Variants in RCOR1 observed in about 807,000 individuals in gnomAD.
The protein encoded by RCOR1 is REST corepressor.
In RCOR1, 12 loss-of-function variants were observed where a neutral mutation model predicts 64.0. The observed-to-expected ratio is 0.19, with a 90% CI of 0.12 to 0.30. The LOEUF is 0.30. Ranked by LOEUF, RCOR1 falls within the 10% of genes least tolerant of loss-of-function variation. The pLI, the probability that RCOR1 is intolerant of heterozygous loss-of-function variation, is 1.00. For missense variants in RCOR1, 502 were observed against 621.2 expected, an observed-to-expected ratio of 0.81 and a Z score of 2.04; for synonymous variants, 279 against 227.2, an observed-to-expected ratio of 1.23 and a Z score of -2.05.
chr14:102,706,136 A>AAAAAAAAAAAAC (rs1567442106), intron 4 of RCOR1, among the ~76,000 whole-genome samples: 1 of 148,980 alleles, frequency 6.7e-6, no homozygotes, highest in Admixed American at 6.6e-5. Flanking sequence ...AAAAAAAAAA[A>AAAAAAAAAAAAC]AAAAAACCTA....
chr14:102,607,407 T>C (rs1893534633), intron 2 of RCOR1, among the ~76,000 whole-genome samples: 1 of 152,190 alleles, frequency 6.6e-6, no homozygotes, highest in Non-Finnish European at 1.5e-5. Flanking sequence ...TGCATAGATG[T>C]GTTTTCTTTT....
At chr14:102,624,278 C>T (rs1237229439) in intron 2 of RCOR1, among the ~76,000 whole-genome samples, 11 of 151,648 alleles carry the variant, frequency 7.3e-5, no homozygotes, top group African/African-American at 2.2e-4. Context: ...CCGAAGTGGG[C>T]GGATCACCTG....
At chr14:102,690,982 C>G (rs1456629499) in intron 3 of RCOR1, among the ~76,000 whole-genome samples, 1 of 152,206 alleles carries the variant, frequency 6.6e-6, no homozygotes, top group African/African-American at 2.4e-5. Context: ...GCCATTTGCT[C>G]TGTAACTTGG....
chr14:102,676,555 GC>G (rs1461612759), intron 2 of RCOR1, among the ~76,000 whole-genome samples: 25 of 53,004 alleles, frequency 4.7e-4, no homozygotes, highest in South Asian at 7.2e-4. Context: ...GGGCAGAGGG[GC>G]TCCTCACTTC....
intron 8 of RCOR1, among the ~76,000 whole-genome samples, chr14:102,718,324 A>T (rs1896107669): frequency 6.6e-6 from 1 of 152,190 alleles, no homozygotes. Flanking sequence ...TTTTAGCAGG[A>T]CAAGCAAAAG....
chr14:102,622,937 T>C (rs2139901591), intron 2 of RCOR1, among the ~76,000 whole-genome samples: 1 of 152,362 alleles, frequency 6.6e-6, no homozygotes, highest in Non-Finnish European at 1.5e-5. Context: ...TCTTTAACTC[T>C]AGTAATGCTT....
chr14:102,646,923 TTGA>T (rs1216742645), intron 2 of RCOR1, among the ~76,000 whole-genome samples: 1 of 152,166 alleles, frequency 6.6e-6, no homozygotes, highest in South Asian at 2.1e-4. Flanking sequence ...ATATTAGTAA[TTGA>T]TGATGAATAC....
At position 102,611,703 on chromosome 14, in the gene RCOR1, C is replaced by T. The variant is rs57382361; in HGVS notation, c.361+18378C>T. Among the ~76,000 whole-genome samples, 911 of 152,238 alleles carry T rather than the reference C, an allele frequency of 6.0e-3. 9 individuals carry two copies. Among genetic ancestry groups the T allele is most frequent in the African/African-American group, 0.021 (878 of 41,534 alleles). ...GGCTAAGTATTTCCCACTATTGAGTCAAAATCCTTTTGGGGATTCTGTGTG... is the reference window on the plus strand; with the variant it reads ...GGCTAAGTATTTCCCACTATTGAGTTAAAATCCTTTTGGGGATTCTGTGTG... On this transcript the variant is annotated intron_variant, in intron 2 of 11. Coordinates refer to ENST00000262241, the MANE Select transcript of RCOR1 (RefSeq NM_015156.4).
In RCOR1 at chr14:102,707,527, C is replaced by A; in HGVS notation, c.660+15C>A. ...TCCAACAAATGGTAAGTAGATGAGA[C>A]CACTGAGTTCTATTTTTTTTCTCCT... On this transcript the variant is annotated intron_variant, in intron 5 of 11. Transcript: ENST00000262241. The A allele has an allele frequency of 6.4e-7, 1 of 1,574,172 alleles. No homozygotes were observed. The highest frequency in any genetic ancestry group is 8.6e-7 in the Non-Finnish European group (1 of 1,164,162).
chr14:102,658,983 A>G (rs1595216730), intron 2 of RCOR1: 1 of 398,052 alleles, frequency 2.5e-6, no homozygotes, highest in African/African-American at 2.2e-5. Context: ...TTTTTTTGGA[A>G]ACAAGTTAGT....
chr14:102,611,064 G>GTTTT (rs1274628896), intron 2 of RCOR1, among the ~76,000 whole-genome samples: 1 of 151,996 alleles, frequency 6.6e-6, no homozygotes, highest in African/African-American at 2.4e-5. Flanking sequence ...GGAGAGCTTA[G>GTTTT]TTTTTTGTTT....
intron 2 of RCOR1, among the ~76,000 whole-genome samples, chr14:102,614,360 G>A (rs1893704567): frequency 6.6e-6 from 1 of 151,620 alleles, no homozygotes; most frequent in Admixed American, 6.6e-5. Context: ...GAGTAGCTGG[G>A]ACTACAGGCA....
At chr14:102,709,441 A>T (rs907892583) in intron 6 of RCOR1, among the ~76,000 whole-genome samples, 2 of 152,200 alleles carry the variant, frequency 1.3e-5, no homozygotes, top group African/African-American at 4.8e-5. Flanking sequence ...TCAATTAATA[A>T]TAAAAAAATA....
intron 8 of RCOR1, among the ~76,000 whole-genome samples, chr14:102,715,019 A>G (rs1338014448): frequency 2.7e-5 from 4 of 149,632 alleles, no homozygotes; most frequent in African/African-American, 9.8e-5. Flanking sequence ...TCCCTCAGCA[A>G]CTCCACCCCT....
chr14:102,624,179 G>A (rs984739335), intron 2 of RCOR1, among the ~76,000 whole-genome samples: 1 of 151,584 alleles, frequency 6.6e-6, no homozygotes, highest in Non-Finnish European at 1.5e-5. Flanking sequence ...CTGGGCGACA[G>A]AGGGAGACTC....
chr14:102,598,176 G>A (rs1456419524), intron 2 of RCOR1, among the ~76,000 whole-genome samples: 1 of 152,016 alleles, frequency 6.6e-6, no homozygotes, highest in Non-Finnish European at 1.5e-5. Flanking sequence ...GGCTGGTCTC[G>A]AACTCCTGAC....
chr14:102,693,227 G>A lies in RCOR1; in HGVS notation c.446-8051G>A, dbSNP rs565623458. On this transcript the variant is annotated intron_variant, in intron 3 of 11. Transcript: ENST00000262241. ...ATGTGCATTCATAGTTCTTTTTCTCGGTCACTTACGACAATTGGAATTCAT... is the reference window on the plus strand; with the variant it reads ...ATGTGCATTCATAGTTCTTTTTCTCAGTCACTTACGACAATTGGAATTCAT... 6.6e-5 allele frequency among the ~76,000 whole-genome samples: 10 copies of A among 151,918 alleles called. No individual in the cohort carries two copies. In the South Asian group the frequency reaches 1.0e-3, roughly 16 times the overall value.
chr14:102,628,849 C>T (rs1429148747), intron 2 of RCOR1, among the ~76,000 whole-genome samples: 5 of 151,880 alleles, frequency 3.3e-5, no homozygotes, highest in African/African-American at 7.3e-5. Flanking sequence ...GCACCACGCT[C>T]GGCCTCCCCT....
intron 3 of RCOR1, among the ~76,000 whole-genome samples, chr14:102,690,832 A>G (rs1895517756): frequency 6.6e-6 from 1 of 152,186 alleles, no homozygotes; most frequent in African/African-American, 2.4e-5. Context: ...GAGTGGAGGA[A>G]CTTGGTATGT....
Sources: allele counts gnomAD v4.1 joint callset (sites outside exome capture counted in the v4.1 genomes callset), GRCh38; gene constraint gnomAD v4.1.1; transcripts MANE v1.5; gene names NCBI Gene and HGNC (gene_info 2026-07-23, HGNC 2026-07-21).